GRID2: variants seen among roughly 807,000 people sequenced by gnomAD.
GRID2 encodes the protein glutamate ionotropic receptor delta type subunit 2, also known as glutamate receptor ionotropic, delta-2.
Under a neutral mutation model 114.8 loss-of-function variants are expected in GRID2, and 33 were observed. The observed-to-expected ratio is 0.29, with a 90% CI of 0.22 to 0.38. The LOEUF is 0.38. Ranked by LOEUF, GRID2 falls within the 10% of genes least tolerant of loss-of-function variation. The pLI is 1.00. For synonymous variants in GRID2, 505 were observed against 449.9 expected (o/e 1.12, Z -1.55); for missense variants, 1,184 against 1,257.7 (o/e 0.94, Z 0.89).
At chr4:92,724,440 T>C (rs1735964549) in intron 2 of GRID2, among the ~76,000 whole-genome samples, 1 of 152,164 alleles carries the variant, frequency 6.6e-6, no homozygotes, top group Admixed American at 6.6e-5. Flanking sequence ...CTGAGTAACA[T>C]TTTAAAACTA....
chr4:93,414,137 A>G (rs1767477303), intron 9 of GRID2, among the ~76,000 whole-genome samples: 2 of 152,164 alleles, frequency 1.3e-5, no homozygotes, highest in African/African-American at 4.8e-5. Context: ...AACAAATTTC[A>G]TCAGCTCTAC....
At chr4:93,189,352 CCT>C (rs1740749174) in intron 4 of GRID2, among the ~76,000 whole-genome samples, 1 of 152,124 alleles carries the variant, frequency 6.6e-6, no homozygotes, top group Admixed American at 6.6e-5. Flanking sequence ...CTTACTGCAT[CCT>C]CACATGGTAG....
At chr4:93,520,775 G>T (rs2149497900) in intron 13 of GRID2, among the ~76,000 whole-genome samples, 1 of 152,248 alleles carries the variant, frequency 6.6e-6, no homozygotes, top group Middle Eastern at 3.4e-3. Flanking sequence ...TTCACAATAA[G>T]GGTTGACAAT....
At chr4:93,729,344 A>C (rs1730264751) in intron 14 of GRID2, among the ~76,000 whole-genome samples, 1 of 151,906 alleles carries the variant, frequency 6.6e-6, no homozygotes, top group Non-Finnish European at 1.5e-5. Flanking sequence ...AGACTGAAAA[A>C]CCTCTAAATT....
intron 2 of GRID2, among the ~76,000 whole-genome samples, chr4:92,767,202 A>G (rs1738309334): frequency 6.6e-6 from 1 of 152,218 alleles, no homozygotes; most frequent in African/African-American, 2.4e-5. Context: ...ATACCCTTGA[A>G]AGCAATATCT....
At chr4:92,888,346 G>T (rs1398911969) in intron 2 of GRID2, among the ~76,000 whole-genome samples, 1 of 152,064 alleles carries the variant, frequency 6.6e-6, no homozygotes, top group East Asian at 1.9e-4. Flanking sequence ...TAGTAAGAAA[G>T]TAATTATTTA....
intron 13 of GRID2, among the ~76,000 whole-genome samples, chr4:93,624,974 A>G (rs1742563424): frequency 6.6e-6 from 1 of 152,202 alleles, no homozygotes; most frequent in East Asian, 1.9e-4. Flanking sequence ...CCTCATTGCA[A>G]TGCCCACCAG....
At chr4:92,414,720 A>G (rs1731511378) in intron 1 of GRID2, among the ~76,000 whole-genome samples, 1 of 152,166 alleles carries the variant, frequency 6.6e-6, no homozygotes. Flanking sequence ...CTATAGAATA[A>G]CATGTGGATG....
At chr4:92,542,408 G>A (rs1344258797) in intron 1 of GRID2, among the ~76,000 whole-genome samples, 2 of 152,150 alleles carry the variant, frequency 1.3e-5, no homozygotes, top group African/African-American at 4.8e-5. Context: ...GATGGTTAAA[G>A]TTAAGGATAC....
At chr4:92,540,932 G>T (rs568167454) in intron 1 of GRID2, among the ~76,000 whole-genome samples, 9 of 152,274 alleles carry the variant, frequency 5.9e-5, no homozygotes, top group African/African-American at 2.2e-4. Flanking sequence ...AGAAAATGTG[G>T]CATATATACA....
At chr4:92,956,185 C>G (rs1283999972) in intron 2 of GRID2, among the ~76,000 whole-genome samples, 1 of 152,170 alleles carries the variant, frequency 6.6e-6, no homozygotes, top group Non-Finnish European at 1.5e-5. Flanking sequence ...ACAACATCTT[C>G]CTAGAGAACA....
chr4:93,660,956 C>A (rs532672464), intron 14 of GRID2, among the ~76,000 whole-genome samples: 1 of 152,012 alleles, frequency 6.6e-6, no homozygotes, highest in African/African-American at 2.4e-5. Flanking sequence ...TCTCTCTTAT[C>A]CACAGGGGGA....
intron 2 of GRID2, among the ~76,000 whole-genome samples, chr4:92,882,025 G>C (rs1042076662): frequency 1.3e-5 from 2 of 152,086 alleles, no homozygotes; most frequent in Non-Finnish European, 2.9e-5. Context: ...ATTTAGTAAG[G>C]ATTAGAGCCA....
At chr4:93,054,479 A>G (rs1419973336) in intron 2 of GRID2, among the ~76,000 whole-genome samples, 7 of 151,872 alleles carry the variant, frequency 4.6e-5, no homozygotes, top group African/African-American at 1.7e-4. Flanking sequence ...TTTGTATACC[A>G]TTTGTGTCCA....
At chr4:92,489,974 G>A (rs1183040651) in intron 1 of GRID2, among the ~76,000 whole-genome samples, 1 of 152,000 alleles carries the variant, frequency 6.6e-6, no homozygotes, top group East Asian at 1.9e-4. Context: ...ATGAGGATGT[G>A]TTCCAAACAA....
chr4:93,775,057 G>A (rs1734337223), downstream of GRID2, among the ~76,000 whole-genome samples: 1 of 151,000 alleles, frequency 6.6e-6, no homozygotes, highest in Non-Finnish European at 1.5e-5. Flanking sequence ...TAGTTTTCCT[G>A]CATTTGAACA....
chr4:93,725,339 T>G (rs941778097), intron 14 of GRID2, among the ~76,000 whole-genome samples: 1 of 152,252 alleles, frequency 6.6e-6, no homozygotes, highest in Non-Finnish European at 1.5e-5. Context: ...CTGCATAGTA[T>G]TCCATGGTGT....
intron 14 of GRID2, among the ~76,000 whole-genome samples, chr4:93,697,867 G>GTATATATATA (rs1336222146): frequency 0.026 from 2,167 of 83,840 alleles, 50 homozygotes; most frequent in Non-Finnish European, 0.04. Flanking sequence ...TCCACAATGT[G>GTATATATATA]TGTATATATA....
chr4:93,283,759 C>T (rs187178732), intron 8 of GRID2, among the ~76,000 whole-genome samples: 3 of 152,124 alleles, frequency 2.0e-5, no homozygotes, highest in East Asian at 1.9e-4. Flanking sequence ...GGTGGCTAAG[C>T]GAGCACTTTC....
Sources: allele counts gnomAD v4.1 joint callset (sites outside exome capture counted in the v4.1 genomes callset), GRCh38; gene constraint gnomAD v4.1.1; transcripts MANE v1.5; gene names NCBI Gene and HGNC (gene_info 2026-07-23, HGNC 2026-07-21).